ASB4: variants seen among roughly 807,000 people sequenced by gnomAD.
The protein encoded by ASB4 is ankyrin repeat and SOCS box protein 4.
In ASB4, 35 loss-of-function variants were observed where a neutral mutation model predicts 38.6. The ratio of observed to expected loss-of-function variants is 0.91; its 90% CI spans 0.69 to 1.20. The LOEUF is 1.20. ASB4 is among the 50% of genes most tolerant of loss of function. The pLI, the probability that ASB4 is intolerant of heterozygous loss-of-function variation, is 0.00. For synonymous variants in ASB4, 195 were observed against 201.3 expected (o/e 0.97, Z 0.26); for missense variants, 557 against 527.2 (o/e 1.06, Z -0.55).
upstream of ASB4, among the ~76,000 whole-genome samples, chr7:95,474,296 A>T (rs553947276): frequency 1.3e-5 from 2 of 152,314 alleles, no homozygotes; most frequent in African/African-American, 4.8e-5. Flanking sequence ...TGGGGAGGTC[A>T]AATATAAAAA....
At chr7:95,531,099 G>T (rs1337926433) in intron 3 of ASB4, among the ~76,000 whole-genome samples, 1 of 152,186 alleles carries the variant, frequency 6.6e-6, no homozygotes, top group Non-Finnish European at 1.5e-5. Flanking sequence ...CCTACTCATA[G>T]CACATCACAA....
upstream of ASB4, among the ~76,000 whole-genome samples, chr7:95,476,805 A>G (rs577998209): frequency 6.6e-6 from 1 of 152,350 alleles, no homozygotes; most frequent in South Asian, 2.1e-4. Context: ...ATCTGGAGAC[A>G]CATGGTATGA....
chr7:95,496,517 C>T lies in ASB4; in HGVS notation c.487+460C>T, dbSNP rs542392118. ...TACTATAAAATGTATAAAGTCTTCT[C>T]TAAGGATATTATGCTAGGTAGGCTG... On this transcript the variant is annotated intron_variant, in intron 2 of 4. Coordinates refer to ENST00000325885, the MANE Select transcript of ASB4 (RefSeq NM_016116.3). 7.9e-5 allele frequency among the ~76,000 whole-genome samples: 12 copies of T among 152,160 alleles called. No homozygotes were observed. The East Asian group carries it at 1.2e-3, about 15-fold the overall frequency.
At chr7:95,504,297 A>G (rs1790379183) in intron 2 of ASB4, among the ~76,000 whole-genome samples, 1 of 152,220 alleles carries the variant, frequency 6.6e-6, no homozygotes, top group Non-Finnish European at 1.5e-5. Flanking sequence ...AAAGGGGACC[A>G]TGCCTTTTAA....
At chr7:95,536,897 A>G (rs1790896820) in intron 4 of ASB4, among the ~76,000 whole-genome samples, 1 of 152,192 alleles carries the variant, frequency 6.6e-6, no homozygotes, top group South Asian at 2.1e-4. Flanking sequence ...TTTTGTGTAG[A>G]TTATTTCATT....
intron 2 of ASB4, among the ~76,000 whole-genome samples, chr7:95,500,752 G>C (rs891957396): frequency 2.6e-5 from 4 of 152,112 alleles, no homozygotes; most frequent in Non-Finnish European, 5.9e-5. Flanking sequence ...GAACCTTTCA[G>C]TTATCCTGTC....
In ASB4 at chr7:95,528,068, G is replaced by A. The variant is rs1053495811; in HGVS notation, c.743G>A (p.Arg248Gln). 6.2e-7 allele frequency: 1 copy of A among 1,614,030 alleles called. No individual in the cohort carries two copies. The highest frequency in any genetic ancestry group is 1.3e-5 in the African/African-American group (1 of 74,912). The change falls in exon 3 of 5, where the codon CGA becomes CAA. Residue 248 changes from arginine to glutamine, a missense_variant. Coordinates refer to ENST00000325885, the MANE Select transcript of ASB4 (RefSeq NM_016116.3). ...GACTACAAAGCCGAAGTCAATGCCC[G>A]AGATGACGACTTTAAATCTCCCCTC... ...LLDYKAEVNARDDDFKSPLHK... is the reference protein window; with the variant it reads ...LLDYKAEVNAQDDDFKSPLHK...
intron 2 of ASB4, among the ~76,000 whole-genome samples, chr7:95,515,151 TTCTTTCTTTC>T (rs1396255314): frequency 6.8e-6 from 1 of 148,000 alleles, no homozygotes; most frequent in African/African-American, 2.6e-5. Flanking sequence ...TTGTTTTTCT[TTCTTTCTTTC>T]TCTTTCTCTT....
At position 95,485,961 on chromosome 7, in the gene ASB4, G is replaced by A. The variant is rs1405328019; in HGVS notation, c.-11G>A. ...ATAAATCACAACAAAGCTTCCAGAG[G>A]GAGAGGAAGGATGGACGGCACCACT... On this transcript the variant is annotated 5_prime_UTR_variant, in exon 1 of 5. Transcript: ENST00000325885. The A allele has an allele frequency of 6.2e-7, 1 of 1,612,104 alleles. No individual in the cohort carries two copies. The highest frequency in any genetic ancestry group is 2.2e-5 in the East Asian group (1 of 44,844).
chr7:95,537,993 AATAACTAATATG>A lies in ASB4; in HGVS notation c.*235_*246del. ...ATTCAGAATGTACTGATAGAACAGT[AATAACTAATATG>A]TATAGTGTTCTTACTAAGTACCTGA... On this transcript the variant is annotated 3_prime_UTR_variant, in exon 5 of 5. Coordinates refer to ENST00000325885, the MANE Select transcript of ASB4 (RefSeq NM_016116.3). 1 of 473,728 alleles carries A rather than the reference AATAACTAATATG, an allele frequency of 2.1e-6. No individual in the cohort carries two copies. Among genetic ancestry groups the A allele is most frequent in the Non-Finnish European group, 3.8e-6 (1 of 264,450 alleles). The allele number at this position is 473,728 out of a possible 1,614,324, so 29.3% of individuals were successfully genotyped here.
At chr7:95,507,571 C>G (rs1790427049) in intron 2 of ASB4, among the ~76,000 whole-genome samples, 1 of 152,104 alleles carries the variant, frequency 6.6e-6, no homozygotes, top group South Asian at 2.1e-4. Flanking sequence ...GTAACTGCCT[C>G]CCTCACTAAA....
At chr7:95,526,517 TACC>T (rs1790739060) in intron 2 of ASB4, among the ~76,000 whole-genome samples, 1 of 152,210 alleles carries the variant, frequency 6.6e-6, no homozygotes, top group African/African-American at 2.4e-5. Context: ...TAAATTACTT[TACC>T]ACCTGTGACA....
the ASB4 span, among the ~76,000 whole-genome samples, chr7:95,546,538 G>A: frequency 6.6e-6 from 1 of 152,110 alleles, no homozygotes; most frequent in African/African-American, 2.4e-5. Flanking sequence ...CAAAAGTGGG[G>A]TGTGTTATTT....
At chr7:95,513,929 C>T (rs117683503) in intron 2 of ASB4, among the ~76,000 whole-genome samples, 1,990 of 152,304 alleles carry the variant, frequency 0.013, 60 homozygotes, top group Admixed American at 0.056. Context: ...CCATCATCCA[C>T]GAAGGATTTC....
chr7:95,502,793 C>G (rs547935017), intron 2 of ASB4, among the ~76,000 whole-genome samples: 2 of 152,174 alleles, frequency 1.3e-5, no homozygotes, highest in South Asian at 4.2e-4. Flanking sequence ...AAATGTACCA[C>G]AATTGAAAAT....
chr7:95,532,509 A>G (rs533831268), intron 3 of ASB4, among the ~76,000 whole-genome samples: 1 of 152,264 alleles, frequency 6.6e-6, no homozygotes, highest in South Asian at 2.1e-4. Flanking sequence ...AAAAGGTAAC[A>G]CGAGGGTCTG....
At chr7:95,519,777 A>G (rs973749486) in intron 2 of ASB4, among the ~76,000 whole-genome samples, 2 of 152,328 alleles carry the variant, frequency 1.3e-5, no homozygotes, top group South Asian at 4.1e-4. Flanking sequence ...AAAGGCAGCC[A>G]TTAGTGATTT....
At chr7:95,540,953 T>C (rs919464741), downstream of ASB4, among the ~76,000 whole-genome samples, 1 of 152,254 alleles carries the variant, frequency 6.6e-6, no homozygotes, top group Non-Finnish European at 1.5e-5. Context: ...CTCATCTGAT[T>C]GTTTGTGAAG....
intron 3 of ASB4, among the ~76,000 whole-genome samples, chr7:95,533,107 G>C (rs1035518814): frequency 1.3e-5 from 2 of 152,104 alleles, no homozygotes; most frequent in African/African-American, 4.8e-5. Flanking sequence ...CTCAACCTTG[G>C]GTCTAGAGGA....
Sources: gnomAD v4.1 joint callset for allele counts (sites outside exome capture counted in the v4.1 genomes callset) on GRCh38, gnomAD v4.1.1 for gene constraint, MANE v1.5 for transcripts, NCBI Gene and HGNC (gene_info 2026-07-23, HGNC 2026-07-21) for gene names.